PHF21B: variants seen among roughly 807,000 people sequenced by gnomAD.
PHF21B encodes PHD finger protein 21B.
In PHF21B, 22 loss-of-function variants were observed where a neutral mutation model predicts 62.2. That is an observed-to-expected ratio of 0.35 (90% CI 0.25 to 0.51). The LOEUF (loss-of-function observed/expected upper bound fraction) is 0.51, where lower values mean the gene tolerates loss of function less well. Among genes scored for constraint, PHF21B ranks in the 20% least tolerant of loss-of-function variants. The probability of loss-of-function intolerance (pLI) is 0.97; values close to 1 mark genes in which losing one functional copy is unlikely to be tolerated. For missense variants in PHF21B, 701 were observed against 707.9 expected, an observed-to-expected ratio of 0.99 and a Z score of 0.11; for synonymous variants, 341 against 314.7, an observed-to-expected ratio of 1.08 and a Z score of -0.88.
chr22:44,896,673 A>G (rs951558903), intron 5 of PHF21B, among the ~76,000 whole-genome samples: 1 of 152,170 alleles, frequency 6.6e-6, no homozygotes, highest in African/African-American at 2.4e-5. Flanking sequence ...AAAACCTGAC[A>G]CTTGACCCAT....
chr22:44,907,743 G>A (rs939776762), intron 5 of PHF21B, among the ~76,000 whole-genome samples: 25 of 152,176 alleles, frequency 1.6e-4, no homozygotes, highest in African/African-American at 4.3e-4. Flanking sequence ...TGAAACAGAC[G>A]GTAAACAAGG....
chr22:44,978,178 A>C (rs1276358280), intron 2 of PHF21B, among the ~76,000 whole-genome samples: 2 of 152,130 alleles, frequency 1.3e-5, no homozygotes, highest in African/African-American at 4.8e-5. Context: ...TCCGGTTTGC[A>C]GGAGATGTAC....
intron 2 of PHF21B, among the ~76,000 whole-genome samples, chr22:44,986,521 CAA>C (rs3063310): frequency 0.4 from 34,423 of 85,724 alleles, 5,718 homozygotes; most frequent in East Asian, 0.67. Flanking sequence ...GATCTTATTT[CAA>C]AAAAAAAAAA....
intron 2 of PHF21B, among the ~76,000 whole-genome samples, chr22:44,941,962 G>C (rs2071966839): frequency 1.3e-5 from 2 of 152,226 alleles, no homozygotes; most frequent in South Asian, 2.1e-4. Flanking sequence ...AGACCACAGA[G>C]ATGCCACTTC....
In PHF21B at chr22:44,925,617, T is replaced by C. The variant is rs7289019; in HGVS notation, c.121-5127A>G. Among the ~76,000 whole-genome samples the C allele has an allele frequency of 1.1e-3, 174 of 152,266 alleles. 1 individual carries two copies. Among genetic ancestry groups the C allele is most frequent in the African/African-American group, 4.0e-3 (166 of 41,564 alleles). On this transcript the variant is annotated intron_variant, in intron 2 of 12. Coordinates refer to ENST00000313237, the MANE Select transcript of PHF21B (RefSeq NM_138415.5). ...AGCTTTTTATGCAATGCGGAGCCCATGACAAACAGCCTCGGCCACTGGATG... is the reference window on the plus strand; with the variant it reads ...AGCTTTTTATGCAATGCGGAGCCCACGACAAACAGCCTCGGCCACTGGATG...
At chr22:44,911,087 C>T (rs2071336460) in intron 5 of PHF21B, among the ~76,000 whole-genome samples, 1 of 152,154 alleles carries the variant, frequency 6.6e-6, no homozygotes, top group Non-Finnish European at 1.5e-5. Context: ...GCTCTAGAGA[C>T]TTGTGGAACT....
At chr22:44,946,237 AG>A (rs2072067882) in intron 2 of PHF21B, among the ~76,000 whole-genome samples, 1 of 146,684 alleles carries the variant, frequency 6.8e-6, no homozygotes, top group African/African-American at 2.7e-5. Context: ...CGGGGTGGGG[AG>A]GGATGCCAGA....
intron 3 of PHF21B, among the ~76,000 whole-genome samples, chr22:44,917,778 G>A (rs1335132686): frequency 6.6e-6 from 1 of 152,198 alleles, no homozygotes; most frequent in African/African-American, 2.4e-5. Flanking sequence ...TGGAAGGAGT[G>A]GTCCAGGGTG....
intron 2 of PHF21B, among the ~76,000 whole-genome samples, chr22:44,955,746 A>G (rs963054879): frequency 6.6e-6 from 1 of 152,092 alleles, no homozygotes; most frequent in Non-Finnish European, 1.5e-5. Flanking sequence ...CAGGTGGTGG[A>G]TCACGGGACT....
intron 2 of PHF21B, among the ~76,000 whole-genome samples, chr22:44,969,709 T>A (rs565781579): frequency 1.3e-5 from 2 of 152,186 alleles, no homozygotes; most frequent in African/African-American, 4.8e-5. Context: ...CATTTGAGGA[T>A]TGCAGATGAG....
At position 45,009,297 on chromosome 22, in the gene PHF21B, C is replaced by A; in HGVS notation, c.54+199G>T. 1 of 613,042 alleles carries A rather than the reference C, an allele frequency of 1.6e-6. No individual in the cohort carries two copies. Among genetic ancestry groups the A allele is most frequent in the Non-Finnish European group, 2.7e-6 (1 of 365,918 alleles). The allele number at this position is 613,042 out of a possible 1,614,324, so 38.0% of individuals were successfully genotyped here. A position where few individuals can be genotyped will look rare whatever the true frequency, so the allele number is the denominator to read the frequency against. On this transcript the variant is annotated intron_variant, in intron 1 of 12. Transcript: ENST00000313237. This position sits in a 1 kb window ranked among gnomAD's most constrained non-coding sequence, Gnocchi z 5.9. ...CGCGTCCTCGATCCCGCAAACTGTG[C>A]AGGACAGCGCCAGGGGCAGGCGGAG...
At chr22:44,944,187 C>T (rs1037639764) in intron 2 of PHF21B, among the ~76,000 whole-genome samples, 10 of 152,292 alleles carry the variant, frequency 6.6e-5, no homozygotes, top group East Asian at 3.9e-4. Flanking sequence ...CCACCTATGG[C>T]GTGTGTTGTC....
At chr22:44,976,208 T>C (rs768984632) in intron 2 of PHF21B, among the ~76,000 whole-genome samples, 80 of 152,218 alleles carry the variant, frequency 5.3e-4, no homozygotes, top group Non-Finnish European at 8.8e-4. Context: ...CATAACTACA[T>C]ATTCATGGGG....
At chr22:44,998,725 C>T (rs778686044) in intron 2 of PHF21B, among the ~76,000 whole-genome samples, 7 of 152,200 alleles carry the variant, frequency 4.6e-5, no homozygotes, top group African/African-American at 1.2e-4. Context: ...TGCTTTTCTA[C>T]GGCAATAATG....
chr22:44,921,699 C>T (rs1381779617), intron 2 of PHF21B, among the ~76,000 whole-genome samples: 1 of 151,588 alleles, frequency 6.6e-6, no homozygotes. Flanking sequence ...CGCTCTGTTG[C>T]CCAGGTTGGA....
chr22:44,895,989 G>A (rs373641069), intron 6 of PHF21B, 43 bp downstream of exon 6: 7 of 1,611,418 alleles, frequency 4.3e-6, no homozygotes, highest in Non-Finnish European at 5.1e-6. Flanking sequence ...CGGCTTTCGG[G>A]TCAGTCCCAG....
intron 2 of PHF21B, among the ~76,000 whole-genome samples, chr22:44,924,554 CCTCT>C (rs201124783): frequency 2.0e-5 from 3 of 151,806 alleles, no homozygotes; most frequent in African/African-American, 7.2e-5. Context: ...GAGTTTGTGT[CCTCT>C]CTCTCTCTCA....
chr22:44,978,924 G>A (rs2072787384), intron 2 of PHF21B, among the ~76,000 whole-genome samples: 1 of 152,222 alleles, frequency 6.6e-6, no homozygotes, highest in East Asian at 1.9e-4. Context: ...CCCAGGTGAG[G>A]CAGGCCCACT....
intron 2 of PHF21B, among the ~76,000 whole-genome samples, chr22:45,004,993 C>T (rs555948477): frequency 6.6e-6 from 1 of 152,310 alleles, no homozygotes; most frequent in South Asian, 2.1e-4. Context: ...GACTGTAAAG[C>T]TGCACCTGCA....
Sources: allele counts gnomAD v4.1 joint callset (sites outside exome capture counted in the v4.1 genomes callset), GRCh38; gene constraint gnomAD v4.1.1; non-coding constraint Gnocchi (gnomAD v3.1); transcripts MANE v1.5; gene names NCBI Gene and HGNC (gene_info 2026-07-23, HGNC 2026-07-21).